Variants in IL6R observed in about 807,000 individuals in gnomAD.
IL6R encodes the protein interleukin 6 receptor.
IL6R carries 38 observed loss-of-function variants against 48.3 expected under a neutral mutation model. The ratio of observed to expected loss-of-function variants is 0.79; its 90% CI spans 0.61 to 1.03. IL6R has a LOEUF of 1.03. Among genes scored for constraint, IL6R ranks in the 50% least tolerant of loss-of-function variants. The pLI is 0.00. For missense variants in IL6R, 534 were observed against 618.3 expected (o/e 0.86, Z 1.45); for synonymous variants, 264 against 256.2 (o/e 1.03, Z -0.29).
chr1:154,447,818 G>T (rs1328320029), intron 6 of IL6R, among the ~76,000 whole-genome samples: 1 of 151,786 alleles, frequency 6.6e-6, no homozygotes, highest in Non-Finnish European at 1.5e-5. Context: ...GGGTTCAAAC[G>T]ATTCTCCTGC....
chr1:154,463,589 C>T (rs1313455774), intron 9 of IL6R, among the ~76,000 whole-genome samples: 2 of 152,196 alleles, frequency 1.3e-5, no homozygotes, highest in Non-Finnish European at 2.9e-5. Flanking sequence ...GGGAGGCCAC[C>T]TTGTTCCCAC....
At chr1:154,414,709 A>C in intron 1 of IL6R, 1 of 839,310 alleles carries the variant, frequency 1.2e-6, no homozygotes, top group Non-Finnish European at 2.0e-6. Flanking sequence ...GCCCTCCATT[A>C]GGTATTGCTC....
At chr1:154,456,035 T>G (rs1690866936) in intron 9 of IL6R, among the ~76,000 whole-genome samples, 1 of 151,424 alleles carries the variant, frequency 6.6e-6, no homozygotes, top group Admixed American at 6.6e-5. Context: ...CCAGCCTGGG[T>G]GACAGAATGA....
chr1:154,418,527 C>A, intron 1 of IL6R: 3 of 515,330 alleles, frequency 5.8e-6, no homozygotes, highest in Non-Finnish European at 7.5e-6. Context: ...CAAAGCTAGT[C>A]ATCTGAGAAG....
chr1:154,449,989 T>C lies in IL6R; in HGVS notation c.1066+9T>C. On this transcript the variant is annotated intron_variant, in intron 8 of 9. Transcript: ENST00000368485. ...TGCGACAAGCCTCCCAGGTAAGGACTGGGTATTTTCATATTCCCAGGGTCC... is the reference window on the plus strand; with the variant it reads ...TGCGACAAGCCTCCCAGGTAAGGACCGGGTATTTTCATATTCCCAGGGTCC... 2 of 1,575,774 alleles carry C rather than the reference T, an allele frequency of 1.3e-6. No homozygotes were observed. The highest frequency in any genetic ancestry group is 8.7e-7 in the Non-Finnish European group (1 of 1,144,970).
At position 154,436,077 on chromosome 1, in the gene IL6R, T is replaced by A. The variant is rs1217949073; in HGVS notation, c.916T>A (p.Trp306Arg). The A allele has an allele frequency of 1.9e-6, 3 of 1,612,406 alleles. No individual in the cohort carries two copies. The African/African-American group carries it at 4.0e-5, about 22-fold the overall frequency. ...GTTCGGGCAAGGCGAGTGGAGCGAG[T>A]GGAGCCCGGAGGCCATGGGCACGCC... ...EEFGQGEWSE[W>R]SPEAMGTPWT... The change falls in exon 6 of 10, where the codon TGG becomes AGG. Residue 306 changes from tryptophan to arginine, a missense_variant. Transcript: ENST00000368485.
intron 9 of IL6R, among the ~76,000 whole-genome samples, chr1:154,457,322 C>CAAAAAAAAAAAAAAAAAAAA (rs60033332): frequency 1.3e-4 from 10 of 78,106 alleles, no homozygotes; most frequent in East Asian, 3.6e-4. Context: ...GACTCCGTCT[C>CAAAAAAAAAAAAAAAAAAAA]AAAAAAAAAA....
rs757221328 is a variant in IL6R, at chr1:154,448,875, C to CTTTTT, written c.996+729_996+733dup. Among the ~76,000 whole-genome samples the CTTTTT allele has an allele frequency of 3.7e-3, 271 of 73,212 alleles. 32 individuals carry two copies. Among genetic ancestry groups the CTTTTT allele is most frequent in the Non-Finnish European group, 4.7e-3 (176 of 37,482 alleles). 48.0% of individuals were successfully genotyped at this position (73,212 alleles called of 152,430 possible). A position where few individuals can be genotyped will look rare whatever the true frequency, so the allele number is the denominator to read the frequency against. On this transcript the variant is annotated intron_variant, in intron 7 of 9. Transcript: ENST00000368485. ...CATTGCAAGGGAGTGCTTGTAAGGG[C>CTTTTT]TTTTTTTTTTTTTTTTTTTTTTTTT...
At position 154,405,810 on chromosome 1, in the gene IL6R, A is replaced by G; in HGVS notation, c.85+96A>G. Reference sequence around the variant, plus strand: ...GTCTGTGGGAGGCTGGAGGGAGGAAAGGAGGTGCGACGGATCCCCTTTTCT... The same window carrying G: ...GTCTGTGGGAGGCTGGAGGGAGGAAGGGAGGTGCGACGGATCCCCTTTTCT... On this transcript the variant is annotated intron_variant, in intron 1 of 9. Transcript: ENST00000368485. The surrounding 1 kb of genome is among the most constrained non-coding windows in gnomAD (Gnocchi z 5.2). 1 of 925,178 alleles carries G rather than the reference A, an allele frequency of 1.1e-6. No homozygotes were observed. The highest frequency in any genetic ancestry group is 1.9e-5 in the South Asian group (1 of 52,552). The allele number at this position is 925,178 out of a possible 1,614,324, so 57.3% of individuals were successfully genotyped here.
At chr1:154,441,430 C>G (rs1689928994) in intron 6 of IL6R, among the ~76,000 whole-genome samples, 1 of 152,090 alleles carries the variant, frequency 6.6e-6, no homozygotes, top group Non-Finnish European at 1.5e-5. Flanking sequence ...GACTTTGAGC[C>G]CTCCACCCTA....
At chr1:154,428,620 T>G (rs1203201140) in intron 1 of IL6R, among the ~76,000 whole-genome samples, 1 of 152,138 alleles carries the variant, frequency 6.6e-6, no homozygotes, top group African/African-American at 2.4e-5. Context: ...CAAAGCAGGG[T>G]GCCTACTTCT....
chr1:154,427,749 G>T (rs1689057905), intron 1 of IL6R, among the ~76,000 whole-genome samples: 2 of 152,130 alleles, frequency 1.3e-5, no homozygotes, highest in Non-Finnish European at 2.9e-5. Flanking sequence ...CAGCTTTAGG[G>T]GTGTTATCTG....
intron 5 of IL6R, among the ~76,000 whole-genome samples, chr1:154,435,734 A>C (rs1278494718): frequency 1.3e-5 from 2 of 152,230 alleles, no homozygotes; most frequent in African/African-American, 2.4e-5. Flanking sequence ...AGACATGTCA[A>C]GGGTTGTGGC....
chr1:154,438,744 C>A (rs1689773051), intron 6 of IL6R, among the ~76,000 whole-genome samples: 2 of 152,100 alleles, frequency 1.3e-5, no homozygotes, highest in Non-Finnish European at 2.9e-5. Context: ...CCTTGTCTTT[C>A]CTGTCCTGGG....
chr1:154,454,461 CTA>C, intron 8 of IL6R, 25 bp from the exon 9 acceptor site: 5 of 1,443,400 alleles, frequency 3.5e-6, no homozygotes, highest in Non-Finnish European at 4.9e-6. Flanking sequence ...TCTTCCTCCT[CTA>C]TCTTCAATTT....
rs34099703 is a variant in IL6R, at chr1:154,429,236, C to T, written c.126C>T (p.Ser42=). 1.7e-3 allele frequency: 2,739 copies of T among 1,613,898 alleles called. 33 individuals carry two copies. The African/African-American group carries it at 0.032, about 19-fold the overall frequency. Residue 42 remains serine, a synonymous_variant, in exon 2 of 10, where the codon AGC becomes AGT. Transcript: ENST00000368485. Reference sequence around the variant, plus strand: ...TGCTGACCAGTCTGCCAGGAGACAGCGTGACTCTGACCTGCCCGGGGGTAG... The same window carrying T: ...TGCTGACCAGTCTGCCAGGAGACAGTGTGACTCTGACCTGCCCGGGGGTAG... ...RGVLTSLPGD[S]VTLTCPGVEP... is the part of the protein sequence containing the mutation.
At chr1:154,458,322 C>G (rs10908839) in intron 9 of IL6R, among the ~76,000 whole-genome samples, 116,511 of 152,000 alleles carry the variant, frequency 0.77, 44,832 homozygotes, top group East Asian at 0.83. Context: ...AGGGTGCGTG[C>G]AAGATAAGAT....
chr1:154,454,463 A>G (rs780803759), intron 8 of IL6R, 25 bp from the exon 9 acceptor site: 4 of 1,449,934 alleles, frequency 2.8e-6, no homozygotes, highest in Non-Finnish European at 3.9e-6. Context: ...TTCCTCCTCT[A>G]TCTTCAATTT....
chr1:154,430,774 CT>C (rs534095798), intron 3 of IL6R, among the ~76,000 whole-genome samples, 168 bp downstream of exon 3: 63 of 152,346 alleles, frequency 4.1e-4, no homozygotes, highest in African/African-American at 1.1e-3. Flanking sequence ...ACTGCCCCCC[CT>C]GAGCTAGGCA....
Sources: gnomAD v4.1 joint callset for allele counts (sites outside exome capture counted in the v4.1 genomes callset) on GRCh38, gnomAD v4.1.1 for gene constraint, Gnocchi (gnomAD v3.1) non-coding constraint, MANE v1.5 for transcripts, NCBI Gene and HGNC (gene_info 2026-07-23, HGNC 2026-07-21) for gene names.